The following AFAP1L2 variants were observed in gnomAD, a reference collection of about 807,000 sequenced individuals.
The protein encoded by AFAP1L2 is actin filament-associated protein 1-like 2.
In AFAP1L2, 46 loss-of-function variants were observed where a neutral mutation model predicts 99.3. The ratio of observed to expected loss-of-function variants is 0.46; its 90% confidence interval spans 0.37 to 0.59. The LOEUF is 0.59. Among genes scored for constraint, AFAP1L2 ranks in the 20% least tolerant of loss-of-function variants. The probability of loss-of-function intolerance (pLI) is 0.00; values close to 1 mark genes in which losing one functional copy is unlikely to be tolerated. For missense variants in AFAP1L2, 959 were observed against 1,034.9 expected (o/e 0.93, Z 1.01); for synonymous variants, 397 against 419.1 (o/e 0.95, Z 0.64).
intron 1 of AFAP1L2, among the ~76,000 whole-genome samples, chr10:114,366,828 C>T (rs2053330215): frequency 2.0e-5 from 3 of 152,060 alleles, no homozygotes; most frequent in South Asian, 2.1e-4. Flanking sequence ...ATTAGTCAGG[C>T]GTGGTGTCGC....
intron 7 of AFAP1L2, among the ~76,000 whole-genome samples, chr10:114,313,052 G>T (rs1165150212): frequency 2.0e-5 from 3 of 151,994 alleles, no homozygotes; most frequent in African/African-American, 7.3e-5. Context: ...TGGGTGGCAG[G>T]TGGAGTGGGG....
intron 1 of AFAP1L2, among the ~76,000 whole-genome samples, chr10:114,387,067 C>A (rs2056594293): frequency 6.6e-6 from 1 of 152,194 alleles, no homozygotes; most frequent in East Asian, 1.9e-4. Flanking sequence ...TCTCCATGGC[C>A]AGGGGAGTCT....
intron 1 of AFAP1L2, among the ~76,000 whole-genome samples, chr10:114,354,646 G>T (rs2051046400): frequency 6.6e-6 from 1 of 152,054 alleles, no homozygotes; most frequent in South Asian, 2.1e-4. Flanking sequence ...GGCTTTGGGA[G>T]AAAGAGATCT....
chr10:114,307,615 A>G (rs980630797), intron 10 of AFAP1L2, among the ~76,000 whole-genome samples, 190 bp downstream of exon 10: 2 of 152,054 alleles, frequency 1.3e-5, no homozygotes, highest in African/African-American at 4.8e-5. Context: ...GCAGCAAGAG[A>G]GAGTTGGATC....
At chr10:114,373,540 G>A (rs1263485208) in intron 1 of AFAP1L2, among the ~76,000 whole-genome samples, 2 of 152,192 alleles carry the variant, frequency 1.3e-5, no homozygotes, top group East Asian at 1.9e-4. Flanking sequence ...CAGGAGAATC[G>A]CTTGAACCCA....
chr10:114,288,858 C>A, the AFAP1L2 span: 1 of 1,505,734 alleles, frequency 6.6e-7, no homozygotes, highest in South Asian at 1.3e-5. Context: ...TGGTCCTACC[C>A]AACCTGGCAG....
chr10:114,335,938 CATAA>C (rs1376259473), intron 2 of AFAP1L2, among the ~76,000 whole-genome samples: 1 of 152,128 alleles, frequency 6.6e-6, no homozygotes, highest in Non-Finnish European at 1.5e-5. Flanking sequence ...ACTGGAAGAA[CATAA>C]ATAGTGTTCA....
chr10:114,349,553 T>TG (rs1414705011), intron 1 of AFAP1L2, among the ~76,000 whole-genome samples: 30 of 31,102 alleles, frequency 9.6e-4, no homozygotes, highest in South Asian at 2.3e-3. Context: ...GCTTGTCGCT[T>TG]GGAAAAAAAA....
chr10:114,371,715 T>A (rs1244001043), intron 1 of AFAP1L2, among the ~76,000 whole-genome samples: 2 of 151,784 alleles, frequency 1.3e-5, no homozygotes, highest in Non-Finnish European at 2.9e-5. Flanking sequence ...ATGCAGATGA[T>A]GAGTTGATGG....
chr10:114,403,400 C>T (rs545651400), intron 1 of AFAP1L2, among the ~76,000 whole-genome samples: 7 of 152,312 alleles, frequency 4.6e-5, no homozygotes, highest in African/African-American at 1.7e-4. Flanking sequence ...TCAGAGCCCT[C>T]CGGGAGTGAG....
intron 6 of AFAP1L2, among the ~76,000 whole-genome samples, chr10:114,314,733 C>T (rs898694436): frequency 6.9e-5 from 9 of 130,350 alleles, no homozygotes; most frequent in Non-Finnish European, 1.4e-4. Context: ...TAGCAGGAAA[C>T]AGGACTGTTG....
At chr10:114,383,879 G>A (rs765311502) in intron 1 of AFAP1L2, among the ~76,000 whole-genome samples, 1 of 152,156 alleles carries the variant, frequency 6.6e-6, no homozygotes, top group Non-Finnish European at 1.5e-5. Flanking sequence ...GCTGACAGAG[G>A]CTCTCCCCGT....
intron 1 of AFAP1L2, among the ~76,000 whole-genome samples, chr10:114,352,483 A>AAACAAAC (rs1554930325): frequency 6.7e-6 from 1 of 148,908 alleles, no homozygotes; most frequent in Non-Finnish European, 1.5e-5. Context: ...CCAAATTAAA[A>AAACAAAC]AAAAAAAAAA....
chr10:114,315,513 C>CCT, intron 6 of AFAP1L2, 47 bp downstream of exon 6: 1 of 1,452,900 alleles, frequency 6.9e-7, no homozygotes, highest in East Asian at 2.5e-5. Flanking sequence ...CCTGCCCCTT[C>CCT]CCCAAGGAGA....
chr10:114,390,109 G>A (rs547314369), intron 1 of AFAP1L2, among the ~76,000 whole-genome samples: 3 of 152,270 alleles, frequency 2.0e-5, no homozygotes, highest in African/African-American at 4.8e-5. Flanking sequence ...GGACTGCTTC[G>A]TGAATTTTGA....
At chr10:114,360,509 T>TAGATAGTTAGA (rs61366681) in intron 1 of AFAP1L2, among the ~76,000 whole-genome samples, 3,167 of 107,214 alleles carry the variant, frequency 0.03, 58 homozygotes, top group Admixed American at 0.061. Context: ...AGATAGATAG[T>TAGATAGTTAGA]TAGATAGATA....
chr10:114,355,984 T>C (rs2051317786), intron 1 of AFAP1L2, among the ~76,000 whole-genome samples: 1 of 152,070 alleles, frequency 6.6e-6, no homozygotes, highest in Non-Finnish European at 1.5e-5. Context: ...AAAAAGATTG[T>C]TTCAGGTGTA....
chr10:114,336,138 G>A (rs1479356433), intron 2 of AFAP1L2, among the ~76,000 whole-genome samples: 1 of 152,232 alleles, frequency 6.6e-6, no homozygotes, highest in East Asian at 1.9e-4. Context: ...CCTCGGGTGG[G>A]CTGCAGGCTG....
At chr10:114,286,002 C>T in the AFAP1L2 span, 2 of 1,613,808 alleles carry the variant, frequency 1.2e-6, no homozygotes, top group African/African-American at 1.3e-5. Flanking sequence ...TCTGCGGGCA[C>T]CACTCTGGAC....
Sources: gnomAD v4.1 joint callset for allele counts (sites outside exome capture counted in the v4.1 genomes callset) on GRCh38, gnomAD v4.1.1 for gene constraint, MANE v1.5 for transcripts, NCBI Gene and HGNC (gene_info 2026-07-23, HGNC 2026-07-21) for gene names.